The following LRRC72 variants were observed in gnomAD, a reference collection of about 807,000 sequenced individuals.
LRRC72 encodes leucine rich repeat containing 72, also known as leucine-rich repeat-containing protein 72.
A neutral mutation model predicts 35.8 loss-of-function variants in LRRC72; 41 were observed. The observed-to-expected ratio is 1.15, with a 90% CI of 0.89 to 1.49. LRRC72 has a LOEUF of 1.49. LRRC72 is among the 40% of genes most tolerant of loss of function. The pLI, the probability that LRRC72 is intolerant of heterozygous loss-of-function variation, is 0.00. For synonymous variants in LRRC72, 118 were observed against 119.2 expected, an observed-to-expected ratio of 0.99 and a Z score of 0.07; for missense variants, 389 against 330.7, an observed-to-expected ratio of 1.18 and a Z score of -1.37.
At chr7:16,577,144 G>T (rs994182489) in intron 7 of LRRC72, among the ~76,000 whole-genome samples, 2 of 152,132 alleles carry the variant, frequency 1.3e-5, no homozygotes, top group Non-Finnish European at 2.9e-5. Context: ...AGGTATTAGA[G>T]GTCAATGTGA....
intron 2 of LRRC72, among the ~76,000 whole-genome samples, chr7:16,533,575 T>A (rs1440949738): frequency 6.6e-6 from 1 of 152,154 alleles, no homozygotes; most frequent in African/African-American, 2.4e-5. Context: ...CTCAGCTTCT[T>A]GTAAAGAAAA....
intron 6 of LRRC72, among the ~76,000 whole-genome samples, 157 bp from the exon 7 acceptor site, chr7:16,567,234 A>G (rs1012395737): frequency 2.0e-5 from 3 of 152,140 alleles, no homozygotes; most frequent in Admixed American, 6.5e-5. Flanking sequence ...AAGATTATGG[A>G]AATAAGCGTG....
intron 7 of LRRC72, among the ~76,000 whole-genome samples, chr7:16,579,690 C>A (rs1783106624): frequency 6.6e-6 from 1 of 152,074 alleles, no homozygotes; most frequent in Non-Finnish European, 1.5e-5. Context: ...ACTGTTAGTC[C>A]ATTTATAGAT....
intron 3 of LRRC72, among the ~76,000 whole-genome samples, chr7:16,540,262 CT>C (rs913338252): frequency 2.6e-5 from 4 of 152,238 alleles, no homozygotes; most frequent in Admixed American, 6.5e-5. Flanking sequence ...TACTGACTGA[CT>C]GCCCCACCTG....
In LRRC72 at chr7:16,566,259, A is replaced by T. The variant is rs1213583652; in HGVS notation, c.428-54A>T. The T allele has an allele frequency of 1.6e-5, 18 of 1,142,920 alleles. No individual in the cohort carries two copies. In the East Asian group the frequency reaches 3.3e-4, roughly 21 times the overall value. 70.8% of individuals were successfully genotyped at this position (1,142,920 alleles called of 1,614,324 possible). On this transcript the variant is annotated intron_variant, in intron 5 of 8. Transcript: ENST00000401542. ...TAATTTTTTGTATTTTATAAGTGAT[A>T]AGTGAAACTGATTTTGAAATCTGAC... is the stretch of plus-strand genomic sequence containing the variant.
intron 3 of LRRC72, among the ~76,000 whole-genome samples, chr7:16,546,666 C>T (rs1313136583): frequency 6.6e-6 from 1 of 152,176 alleles, no homozygotes; most frequent in Non-Finnish European, 1.5e-5. Context: ...GGTTCTCTGT[C>T]TGACCTTATT....
At chr7:16,532,756 A>C in intron 2 of LRRC72, 188 bp downstream of exon 2, 1 of 651,976 alleles carries the variant, frequency 1.5e-6, no homozygotes, top group Non-Finnish European at 2.8e-6. Context: ...TTGATTAAAA[A>C]AAAAAAAATT....
chr7:16,544,311 C>T (rs1782407886), intron 3 of LRRC72, among the ~76,000 whole-genome samples: 1 of 152,138 alleles, frequency 6.6e-6, no homozygotes, highest in African/African-American at 2.4e-5. Flanking sequence ...TTCTAAGGAC[C>T]TCCAACATCC....
intron 3 of LRRC72, among the ~76,000 whole-genome samples, chr7:16,541,250 T>C (rs191131045): frequency 1.3e-5 from 2 of 152,366 alleles, no homozygotes; most frequent in Admixed American, 1.3e-4. Flanking sequence ...TTATACAGTA[T>C]ATTGATAACC....
intron 7 of LRRC72, among the ~76,000 whole-genome samples, chr7:16,567,958 C>A (rs945429434): frequency 2.6e-5 from 4 of 151,998 alleles, no homozygotes; most frequent in Non-Finnish European, 5.9e-5. Context: ...GCAATTCTAC[C>A]ATGCAGAAAT....
At chr7:16,553,751 A>G (rs2128336779) in intron 3 of LRRC72, among the ~76,000 whole-genome samples, 1 of 152,320 alleles carries the variant, frequency 6.6e-6, no homozygotes, top group East Asian at 1.9e-4. Flanking sequence ...TGGTTGTTGT[A>G]GAGATTAAGA....
At chr7:16,572,975 G>A (rs1007408522) in intron 7 of LRRC72, among the ~76,000 whole-genome samples, 10 of 152,096 alleles carry the variant, frequency 6.6e-5, no homozygotes, top group Admixed American at 6.5e-4. Flanking sequence ...CAAAACCAAT[G>A]TGCAAAAATC....
chr7:16,559,779 G>A (rs1782715467), intron 5 of LRRC72, among the ~76,000 whole-genome samples: 1 of 151,964 alleles, frequency 6.6e-6, no homozygotes. Flanking sequence ...AATTGACTGT[G>A]GTGATAAGTT....
chr7:16,533,471 G>A (rs1018011557), intron 2 of LRRC72, among the ~76,000 whole-genome samples: 1 of 152,022 alleles, frequency 6.6e-6, no homozygotes, highest in African/African-American at 2.4e-5. Context: ...CCTACATTTT[G>A]TCCCCCTTAC....
At chr7:16,552,717 C>T (rs1005444328) in intron 3 of LRRC72, among the ~76,000 whole-genome samples, 1 of 152,114 alleles carries the variant, frequency 6.6e-6, no homozygotes, top group African/African-American at 2.4e-5. Flanking sequence ...GAGCAACTGT[C>T]GAGAAGAACC....
intron 8 of LRRC72, among the ~76,000 whole-genome samples, 153 bp downstream of exon 8, chr7:16,580,254 A>T (rs1481480709): frequency 6.6e-6 from 1 of 152,200 alleles, no homozygotes; most frequent in Non-Finnish European, 1.5e-5. Context: ...TTCTGTGATA[A>T]ATGAGTTCAA....
At chr7:16,572,459 T>A (rs1446737358) in intron 7 of LRRC72, among the ~76,000 whole-genome samples, 1 of 152,174 alleles carries the variant, frequency 6.6e-6, no homozygotes, top group African/African-American at 2.4e-5. Flanking sequence ...TCCACCATGA[T>A]CAAGCCAGCT....
In LRRC72 at chr7:16,557,480, A is replaced by G. The variant is rs1216553589; in HGVS notation, c.316+39A>G. The G allele has an allele frequency of 4.7e-5, 38 of 805,252 alleles. 1 individual carries two copies. In the Admixed American group the frequency reaches 1.5e-3, roughly 32 times the overall value. 49.9% of individuals were successfully genotyped at this position (805,252 alleles called of 1,614,324 possible). A position where few individuals can be genotyped will look rare whatever the true frequency, so the allele number is the denominator to read the frequency against. On this transcript the variant is annotated intron_variant, in intron 4 of 8. Transcript: ENST00000401542. ...TCTCTGTTGATTTAATAAATTTTCA[A>G]TTAAGTAATAACTTTCAACTATGGT...
intron 4 of LRRC72, among the ~76,000 whole-genome samples, chr7:16,557,809 C>T (rs2128337240): frequency 6.6e-6 from 1 of 152,254 alleles, no homozygotes. Flanking sequence ...CAAATTCCTG[C>T]TTTGACCCTG....
Sources: allele counts gnomAD v4.1 joint callset (sites outside exome capture counted in the v4.1 genomes callset), GRCh38; gene constraint gnomAD v4.1.1; transcripts MANE v1.5; gene names NCBI Gene and HGNC (gene_info 2026-07-23, HGNC 2026-07-21).